Variants in SPDYA observed in about 807,000 individuals in gnomAD.
SPDYA encodes the protein speedy protein A.
SPDYA carries 11 observed loss-of-function variants against 36.7 expected under a neutral mutation model. The ratio of observed to expected loss-of-function variants is 0.30; its 90% confidence interval spans 0.19 to 0.50. The LOEUF is 0.50. Ranked by LOEUF, SPDYA falls within the 20% of genes least tolerant of loss-of-function variation. The pLI, the probability that SPDYA is intolerant of heterozygous loss-of-function variation, is 0.98. For synonymous variants in SPDYA, 115 were observed against 118.7 expected, an observed-to-expected ratio of 0.97 and a Z score of 0.20; for missense variants, 287 against 370.9, an observed-to-expected ratio of 0.77 and a Z score of 1.86.
rs143748041 is a variant in SPDYA at position 28,848,943 on chromosome 2, G to A, written c.851-907G>A. ...TGCCTGTAGTCCAACTACATGGGAA[G>A]CTGAGGTGGGAGGCTTGCTTGATCC... On this transcript the variant is annotated intron_variant, in intron 7 of 7. Transcript: ENST00000334056. Among the ~76,000 whole-genome samples, 204 of 152,170 alleles carry A rather than the reference G, an allele frequency of 1.3e-3. 1 individual carries two copies. The highest frequency in any genetic ancestry group is 2.4e-3 in the Non-Finnish European group (160 of 68,002).
intron 6 of SPDYA, among the ~76,000 whole-genome samples, chr2:28,838,836 G>C (rs1228625449): frequency 6.6e-6 from 1 of 152,144 alleles, no homozygotes; most frequent in Non-Finnish European, 1.5e-5. Flanking sequence ...GCTGGGCATG[G>C]TGGCAATTAC....
Position 28,811,791 on chromosome 2 carries a change from AT to A in SPDYA, c.-93+845del, listed in dbSNP as rs1211411454. On this transcript the variant is annotated intron_variant, in intron 1 of 7. Coordinates refer to ENST00000334056, the MANE Select transcript of SPDYA (RefSeq NM_182756.4). The surrounding 1 kb of genome is among the most constrained non-coding windows in gnomAD (Gnocchi z 4.2). ...GAGCTAAAACCCGTCTCTACAAAAA[AT>A]AACTTAAAAAAAAAGTATCCTGGCA... 3.3e-5 allele frequency among the ~76,000 whole-genome samples: 5 copies of A among 151,538 alleles called. No homozygotes were observed. The highest frequency in any genetic ancestry group is 4.9e-5 in the African/African-American group (2 of 41,128).
At position 28,840,476 on chromosome 2, in the gene SPDYA, T is replaced by C. The variant is rs6747208; in HGVS notation, c.850+7T>C. The C allele has an allele frequency of 1.2e-3, 1,926 of 1,612,448 alleles. 24 individuals are homozygous for C. The African/African-American group carries it at 0.024, about 20-fold the overall frequency. On this transcript the variant is annotated splice_region_variant and intron_variant, in intron 7 of 7. Transcript: ENST00000334056. Reference sequence around the variant, plus strand: ...GCTTATACTGGTTCTGAAGGTATGATTTAGTAATATGCCAGAATTAGATTT... The same window carrying C: ...GCTTATACTGGTTCTGAAGGTATGACTTAGTAATATGCCAGAATTAGATTT...
intron 4 of SPDYA, among the ~76,000 whole-genome samples, chr2:28,819,846 AAAAATATATATATATATATATATATAT>A (rs1668101839): frequency 3.7e-5 from 1 of 27,080 alleles, no homozygotes; most frequent in African/African-American, 1.8e-4. Context: ...AAAAAAAAAA[AAAAATATATATATATATATATATATAT>A]ATATATATAT....
rs530132686 is a variant in SPDYA at position 28,850,309 on chromosome 2, T to C, written c.*368T>C. 7.5e-6 allele frequency: 12 copies of C among 1,604,944 alleles called. No individual in the cohort carries two copies. In the East Asian group the frequency reaches 1.3e-4, roughly 18 times the overall value. On this transcript the variant is annotated 3_prime_UTR_variant, in exon 8 of 8. Transcript: ENST00000334056. Reference sequence around the variant, plus strand: ...AAAAGAAAAAACACCATTTAATATGTTCTGAAAACATTACTCACCTGTATG... The same window carrying C: ...AAAAGAAAAAACACCATTTAATATGCTCTGAAAACATTACTCACCTGTATG...
At chr2:28,848,664 C>T (rs1212085902) in intron 7 of SPDYA, among the ~76,000 whole-genome samples, 2 of 152,118 alleles carry the variant, frequency 1.3e-5, no homozygotes, top group African/African-American at 2.4e-5. Context: ...AAAATTTACA[C>T]ACATGTATAA....
chr2:28,845,526 G>A (rs1053254484), intron 7 of SPDYA, among the ~76,000 whole-genome samples: 1 of 152,056 alleles, frequency 6.6e-6, no homozygotes, highest in African/African-American at 2.4e-5. Context: ...TTATCTGGTT[G>A]TTCTTTCATA....
At chr2:28,812,693 C>T (rs1169663540) in intron 1 of SPDYA, among the ~76,000 whole-genome samples, 3 of 151,636 alleles carry the variant, frequency 2.0e-5, no homozygotes, top group Non-Finnish European at 4.4e-5. Flanking sequence ...CCCATCTCTA[C>T]TGAAAATACG....
In SPDYA at chr2:28,850,497, G is replaced by C. The variant is rs984866617; in HGVS notation, c.*556G>C. ...TAAAATATGAGTTACTCTCTTTATT[G>C]TAAGTTTTTTCTTTATTTATTTCCT... On this transcript the variant is annotated 3_prime_UTR_variant, in exon 8 of 8. Coordinates refer to ENST00000334056, the MANE Select transcript of SPDYA (RefSeq NM_182756.4). 2 of 835,154 alleles carry C rather than the reference G, an allele frequency of 2.4e-6. No individual in the cohort carries two copies. Among genetic ancestry groups the C allele is most frequent in the Non-Finnish European group, 3.7e-6 (2 of 540,678 alleles). 51.7% of individuals were successfully genotyped at this position (835,154 alleles called of 1,614,324 possible).
rs1307466670 is a variant in SPDYA, at chr2:28,822,195, C to A, written c.295-130C>A. On this transcript the variant is annotated intron_variant, in intron 4 of 7. Coordinates refer to ENST00000334056, the MANE Select transcript of SPDYA (RefSeq NM_182756.4). ...TACAGGAATCCAAAAATTAAGTACA[C>A]AATTCTATAATAAGTAACACTTTAT... The A allele has an allele frequency of 1.4e-5, 6 of 426,766 alleles. No individual in the cohort carries two copies. The East Asian group carries it at 2.3e-4, about 16-fold the overall frequency. 26.4% of individuals were successfully genotyped at this position (426,766 alleles called of 1,614,324 possible). A position where few individuals can be genotyped will look rare whatever the true frequency, so the allele number is the denominator to read the frequency against.
At chr2:28,839,703 C>A (rs1361656106) in intron 6 of SPDYA, among the ~76,000 whole-genome samples, 1 of 152,228 alleles carries the variant, frequency 6.6e-6, no homozygotes, top group South Asian at 2.1e-4. Flanking sequence ...GGAGTTTCAC[C>A]GTGTTAGACA....
Position 28,850,034 on chromosome 2 carries a change from G to A in SPDYA, c.*93G>A. The A allele has an allele frequency of 8.3e-7, 1 of 1,205,876 alleles. No homozygotes were observed. The highest frequency in any genetic ancestry group is 1.2e-6 in the Non-Finnish European group (1 of 836,366). The allele number at this position is 1,205,876 out of a possible 1,614,324, so 74.7% of individuals were successfully genotyped here. ...CAAAATGGGATGTTTAAGCAGTTTTGCTATGTTATACATCTTTTAGTTGTT... is the reference window on the plus strand; with the variant it reads ...CAAAATGGGATGTTTAAGCAGTTTTACTATGTTATACATCTTTTAGTTGTT... On this transcript the variant is annotated 3_prime_UTR_variant, in exon 8 of 8. Coordinates refer to ENST00000334056, the MANE Select transcript of SPDYA (RefSeq NM_182756.4).
intron 6 of SPDYA, among the ~76,000 whole-genome samples, chr2:28,835,287 G>A (rs1022463119): frequency 2.7e-5 from 4 of 150,678 alleles, no homozygotes; most frequent in African/African-American, 7.3e-5. Context: ...GTGCAATGGC[G>A]TGATCTTGGC....
chr2:28,845,601 A>G (rs765173533), intron 7 of SPDYA, among the ~76,000 whole-genome samples: 10 of 152,026 alleles, frequency 6.6e-5, no homozygotes, highest in Admixed American at 3.9e-4. Context: ...CTGGAGTGCA[A>G]TGGTGCGATC....
At chr2:28,826,571 C>A (rs540565103) in intron 5 of SPDYA, among the ~76,000 whole-genome samples, 1 of 150,968 alleles carries the variant, frequency 6.6e-6, no homozygotes, top group African/African-American at 2.4e-5. Flanking sequence ...CGGTCTTCCC[C>A]ATCACTTATC....
chr2:28,832,824 T>C (rs1383560989), intron 6 of SPDYA, among the ~76,000 whole-genome samples: 2 of 150,278 alleles, frequency 1.3e-5, no homozygotes, highest in Non-Finnish European at 2.9e-5. Context: ...AGTTTCCAAA[T>C]AGTCTCTCCC....
intron 4 of SPDYA, among the ~76,000 whole-genome samples, chr2:28,821,068 A>G (rs1668143179): frequency 6.6e-6 from 1 of 152,176 alleles, no homozygotes; most frequent in Non-Finnish European, 1.5e-5. Flanking sequence ...TTCACAATAT[A>G]TCACTAAAAG....
At chr2:28,839,085 GTGA>G (rs1193152602) in intron 6 of SPDYA, among the ~76,000 whole-genome samples, 4 of 152,182 alleles carry the variant, frequency 2.6e-5, no homozygotes, top group African/African-American at 9.7e-5. Flanking sequence ...TCCTCACTAT[GTGA>G]TGATTTTACT....
intron 1 of SPDYA, among the ~76,000 whole-genome samples, chr2:28,813,997 A>G (rs1041228945): frequency 3.3e-5 from 5 of 152,174 alleles, no homozygotes; most frequent in African/African-American, 4.8e-5. Context: ...TCCTCTTTCT[A>G]TGGAGTTTAT....
Sources: gnomAD v4.1 joint callset for allele counts (sites outside exome capture counted in the v4.1 genomes callset) on GRCh38, gnomAD v4.1.1 for gene constraint, Gnocchi (gnomAD v3.1) non-coding constraint, MANE v1.5 for transcripts, NCBI Gene and HGNC (gene_info 2026-07-23, HGNC 2026-07-21) for gene names.